ADGRL2: variants seen among roughly 807,000 people sequenced by gnomAD.
ADGRL2 encodes calcium-independent alpha-latrotoxin receptor 2.
Under a neutral mutation model 157.4 loss-of-function variants are expected in ADGRL2, and 44 were observed. That is an observed-to-expected ratio of 0.28 (90% CI 0.22 to 0.36). ADGRL2 has a LOEUF of 0.36. ADGRL2 is among the 10% of genes least tolerant of loss of function. The pLI is 1.00. For missense variants in ADGRL2, 1,510 were observed against 1,768.9 expected (o/e 0.85, Z 2.63); for synonymous variants, 585 against 624.7 (o/e 0.94, Z 0.95).
chr1:81,311,729 A>G (rs1192502842), intron 1 of ADGRL2, among the ~76,000 whole-genome samples: 1 of 152,238 alleles, frequency 6.6e-6, no homozygotes, highest in East Asian at 1.9e-4. Flanking sequence ...AAATTTACAC[A>G]TGCTTAATTT....
chr1:81,529,744 A>C (rs2148238024), intron 2 of ADGRL2, among the ~76,000 whole-genome samples: 1 of 152,358 alleles, frequency 6.6e-6, no homozygotes, highest in East Asian at 1.9e-4. Context: ...TGACTCTGAC[A>C]GTGGCAAATT....
intron 2 of ADGRL2, among the ~76,000 whole-genome samples, chr1:81,564,296 A>G (rs1400920745): frequency 6.6e-6 from 1 of 152,170 alleles, no homozygotes; most frequent in Non-Finnish European, 1.5e-5. Context: ...GTGGGTTAGG[A>G]TTGGGCACAG....
At chr1:81,758,645 T>A (rs548086849) in intron 1 of ADGRL2, among the ~76,000 whole-genome samples, 8 of 152,348 alleles carry the variant, frequency 5.3e-5, no homozygotes, top group Non-Finnish European at 1.2e-4. Flanking sequence ...GGCGTGGTTC[T>A]ATCACCTTTT....
chr1:81,841,242 G>T (rs1335757113), intron 2 of ADGRL2, among the ~76,000 whole-genome samples: 2 of 152,134 alleles, frequency 1.3e-5, no homozygotes, highest in South Asian at 4.1e-4. Flanking sequence ...TATGAGACAT[G>T]CCAGAAACAG....
intron 17 of ADGRL2, among the ~76,000 whole-genome samples, chr1:81,976,320 C>T (rs1660177520): frequency 6.6e-6 from 1 of 151,754 alleles, no homozygotes; most frequent in Non-Finnish European, 1.5e-5. Flanking sequence ...ATATTTTGTC[C>T]TCTTCCACAT....
intron 3 of ADGRL2, among the ~76,000 whole-genome samples, chr1:81,932,228 G>T (rs772518480): frequency 1.3e-5 from 2 of 151,964 alleles, no homozygotes; most frequent in Non-Finnish European, 2.9e-5. Flanking sequence ...CACATTTTTA[G>T]CAAAACATTA....
At chr1:81,381,837 A>G (rs917272686) in intron 1 of ADGRL2, among the ~76,000 whole-genome samples, 23 of 152,216 alleles carry the variant, frequency 1.5e-4, no homozygotes, top group African/African-American at 5.3e-4. Context: ...GAATTTAAAC[A>G]TAATAATTGT....
chr1:81,374,140 G>A (rs1450234977), intron 1 of ADGRL2, among the ~76,000 whole-genome samples: 3 of 152,180 alleles, frequency 2.0e-5, no homozygotes, highest in East Asian at 3.9e-4. Flanking sequence ...TGTAAGCTTA[G>A]CTATACATAT....
chr1:81,611,499 A>T (rs899859459), intron 3 of ADGRL2, among the ~76,000 whole-genome samples: 8 of 152,250 alleles, frequency 5.3e-5, no homozygotes, highest in Non-Finnish European at 8.8e-5. Context: ...TGAATGTAGT[A>T]AATATGAAAC....
At chr1:81,457,165 G>A (rs2077824383) in intron 2 of ADGRL2, among the ~76,000 whole-genome samples, 1 of 152,140 alleles carries the variant, frequency 6.6e-6, no homozygotes, top group East Asian at 1.9e-4. Flanking sequence ...AGTTTTCCAA[G>A]TGCTGACAAA....
At chr1:81,710,944 C>A (rs534198609) in intron 1 of ADGRL2, among the ~76,000 whole-genome samples, 7 of 152,160 alleles carry the variant, frequency 4.6e-5, no homozygotes, top group African/African-American at 1.7e-4. Flanking sequence ...GTTAATCTTA[C>A]ATTTTGGATA....
intron 3 of ADGRL2, among the ~76,000 whole-genome samples, chr1:81,913,765 A>T (rs778249452): frequency 2.0e-5 from 3 of 152,118 alleles, no homozygotes; most frequent in African/African-American, 4.8e-5. Flanking sequence ...TTTACTTCGC[A>T]AGCCTTTAGA....
chr1:81,660,970 T>A lies in ADGRL2; in HGVS notation c.-143+79990T>A, dbSNP rs1047346176. On this transcript the variant is annotated intron_variant, in intron 3 of 24. Coordinates refer to the ADGRL2 transcript ENST00000370721. ...TTTTGGGAAGGATTTCTGAAATCGT[T>A]AGCAAATCATCAAGGGCTGAAAGTT... Among the ~76,000 whole-genome samples, 39 of 152,286 alleles carry A rather than the reference T, an allele frequency of 2.6e-4. 1 individual carries two copies. Among genetic ancestry groups the A allele is most frequent in the African/African-American group, 8.9e-4 (37 of 41,574 alleles).
chr1:81,402,285 C>T (rs538139949), intron 1 of ADGRL2, among the ~76,000 whole-genome samples: 1 of 152,246 alleles, frequency 6.6e-6, no homozygotes, highest in Admixed American at 6.5e-5. Flanking sequence ...GGGAATATGC[C>T]ACTCTGCCTG....
At chr1:81,782,925 G>A (rs2086877301) in intron 2 of ADGRL2, among the ~76,000 whole-genome samples, 1 of 152,176 alleles carries the variant, frequency 6.6e-6, no homozygotes, top group Non-Finnish European at 1.5e-5. Context: ...GTAGGGAAGG[G>A]ATGGAAGGAC....
chr1:81,970,530 A>G lies in ADGRL2; in HGVS notation c.2950A>G (p.Lys984Glu), dbSNP rs374706361. The change falls in exon 16 of 24, where the codon AAA becomes GAA. Residue 984 changes from lysine (K) to glutamate (E), a missense_variant. Lys to Glu is a moderately conservative substitution (Grantham distance 56). Transcript: ENST00000686636. Reference sequence around the variant, plus strand: ...TGACTATAAGAGCTATGGAACAGAAAAAGCGTAAGTAATTGCAAGCGACCT... The same window carrying G: ...TGACTATAAGAGCTATGGAACAGAAGAAGCGTAAGTAATTGCAAGCGACCT... ...AIDYKSYGTE[K>E]ACWLHVDNYF... is the part of the protein sequence containing the mutation. 4 of 1,606,106 alleles carry G rather than the reference A, an allele frequency of 2.5e-6. No individual in the cohort carries two copies. The highest frequency in any genetic ancestry group is 3.4e-6 in the Non-Finnish European group (4 of 1,177,360).
intron 2 of ADGRL2, among the ~76,000 whole-genome samples, chr1:81,579,835 T>C (rs906474820): frequency 1.3e-5 from 2 of 152,152 alleles, no homozygotes; most frequent in African/African-American, 4.8e-5. Flanking sequence ...CTATGAGATA[T>C]GCACAGCTTT....
chr1:81,587,619 G>T (rs2081053156), intron 3 of ADGRL2, among the ~76,000 whole-genome samples: 1 of 152,142 alleles, frequency 6.6e-6, no homozygotes, highest in Non-Finnish European at 1.5e-5. Flanking sequence ...TGCATGTTAT[G>T]CTAAAGAGTG....
At chr1:81,815,072 G>A (rs1042558203) in intron 1 of ADGRL2, among the ~76,000 whole-genome samples, 3 of 151,764 alleles carry the variant, frequency 2.0e-5, no homozygotes, top group Admixed American at 6.6e-5. Flanking sequence ...GAATATGATT[G>A]CTAAAACTAT....
Sources: gnomAD v4.1 joint callset for allele counts (sites outside exome capture counted in the v4.1 genomes callset) on GRCh38, gnomAD v4.1.1 for gene constraint, MANE v1.5 for transcripts, NCBI Gene and HGNC (gene_info 2026-07-23, HGNC 2026-07-21) for gene names.